Variants in GRAP2 observed in about 807,000 individuals in gnomAD.
GRAP2 encodes the protein GRB2-related adapter protein 2.
GRAP2 carries 31 observed loss-of-function variants against 43.5 expected under a neutral mutation model. The observed-to-expected ratio is 0.71, with a 90% confidence interval of 0.54 to 0.96. The LOEUF is 0.96. Among genes scored for constraint, GRAP2 ranks in the 40% least tolerant of loss-of-function variants. The pLI, the probability that GRAP2 is intolerant of heterozygous loss-of-function variation, is 0.00. For missense variants in GRAP2, 371 were observed against 424.4 expected, an observed-to-expected ratio of 0.87 and a Z score of 1.11; for synonymous variants, 156 against 164.8, an observed-to-expected ratio of 0.95 and a Z score of 0.41.
intron 2 of GRAP2, among the ~76,000 whole-genome samples, chr22:39,952,515 C>A (rs530503926): frequency 2.6e-5 from 4 of 152,216 alleles, no homozygotes; most frequent in African/African-American, 9.6e-5. Context: ...GGCTACGAGG[C>A]GCTGCTGCTG....
chr22:39,964,073 T>C (rs1408270139), intron 4 of GRAP2: 1 of 301,784 alleles, frequency 3.3e-6, no homozygotes, highest in African/African-American at 2.2e-5. Context: ...CCCTTTAAAA[T>C]TCTTGACCTT....
At chr22:39,950,060 C>A (rs995721341) in intron 2 of GRAP2, among the ~76,000 whole-genome samples, 20 of 152,150 alleles carry the variant, frequency 1.3e-4, no homozygotes, top group Non-Finnish European at 1.5e-5. Flanking sequence ...CACACCCACA[C>A]AGAGACATCT....
chr22:39,969,418 G>A lies in GRAP2; in HGVS notation c.698G>A (p.Arg233Gln), dbSNP rs777370081. ...LQHHHFHQER[R>Q]GGSLDINDGH... ...TCTGTTGTATGTTTCTAGGAACGCCGAGGAGGCAGCCTTGACATAAATGAT... is the reference window on the plus strand; with the variant it reads ...TCTGTTGTATGTTTCTAGGAACGCCAAGGAGGCAGCCTTGACATAAATGAT... Residue 233 changes from arginine to glutamine, a missense_variant, in exon 7 of 8, where the codon CGA (arginine) becomes CAA (glutamine). By Grantham distance (43) the Arg-to-Gln change is conservative. Coordinates refer to ENST00000344138, the MANE Select transcript of GRAP2 (RefSeq NM_004810.4). 4 of 1,613,898 alleles carry A rather than the reference G, an allele frequency of 2.5e-6. No homozygotes were observed. Among genetic ancestry groups the A allele is most frequent in the Non-Finnish European group, 2.5e-6 (3 of 1,179,858 alleles).
chr22:39,929,617 A>G (rs1277243131), intron 1 of GRAP2, among the ~76,000 whole-genome samples: 1 of 152,148 alleles, frequency 6.6e-6, no homozygotes, highest in Non-Finnish European at 1.5e-5. Flanking sequence ...ACTCCTCCGC[A>G]TGACCAAGGT....
chr22:39,917,653 G>T (rs1341343507), intron 1 of GRAP2, among the ~76,000 whole-genome samples: 2 of 152,076 alleles, frequency 1.3e-5, no homozygotes, highest in Non-Finnish European at 2.9e-5. Flanking sequence ...TGCCCTAACT[G>T]TTCTAAAATG....
At chr22:39,930,310 T>A (rs1468906293) in intron 1 of GRAP2, among the ~76,000 whole-genome samples, 2 of 152,214 alleles carry the variant, frequency 1.3e-5, no homozygotes, top group Non-Finnish European at 2.9e-5. Flanking sequence ...GGGAGAATAC[T>A]GTTTAAGTGC....
Position 39,960,089 on chromosome 22 carries a change from G to C in GRAP2, c.205G>C (p.Glu69Gln). The part of the protein sequence containing the change: ...FHEGLSRHQA[E>Q]NLLMGKEVGF... ...CGAAGGCCTCTCTCGACACCAGGCA[G>C]AGAACTTACTCATGGGCAAGGAGGT... is the stretch of plus-strand genomic sequence containing the variant. Residue 69 changes from glutamate (E) to glutamine (Q), a missense_variant, in exon 4 of 8, where the codon GAG (glutamate) becomes CAG (glutamine). Glu to Gln is a conservative substitution (Grantham distance 29, BLOSUM62 2). Coordinates refer to ENST00000344138, the MANE Select transcript of GRAP2 (RefSeq NM_004810.4). The C allele has an allele frequency of 6.2e-7, 1 of 1,613,252 alleles. No homozygotes were observed. The highest frequency in any genetic ancestry group is 8.5e-7 in the Non-Finnish European group (1 of 1,179,186).
At chr22:39,933,976 A>G (rs1442385523) in intron 1 of GRAP2, among the ~76,000 whole-genome samples, 1 of 152,204 alleles carries the variant, frequency 6.6e-6, no homozygotes, top group Non-Finnish European at 1.5e-5. Context: ...CTGCCTCACA[A>G]AAGGAAAGTC....
At chr22:39,967,398 T>C (rs957939682) in intron 5 of GRAP2, among the ~76,000 whole-genome samples, 2 of 152,184 alleles carry the variant, frequency 1.3e-5, no homozygotes, top group Non-Finnish European at 2.9e-5. Flanking sequence ...AATGAGTTGA[T>C]ATTTGTAAAG....
intron 1 of GRAP2, among the ~76,000 whole-genome samples, chr22:39,915,220 GAAAT>G (rs2066594885): frequency 6.7e-6 from 1 of 148,244 alleles, no homozygotes; most frequent in East Asian, 2.0e-4. Context: ...AGAAAAAAAA[GAAAT>G]AAATAAATAA....
chr22:39,909,076 C>T lies in GRAP2; in HGVS notation c.-15+7746C>T, dbSNP rs532722900. On this transcript the variant is annotated intron_variant, in intron 1 of 7. Transcript: ENST00000344138. Reference sequence around the variant, plus strand: ...AAGATTCATGTGTGGCTACCCCCAACAATATCTCATTTGTACAATGCAGAA... The same window carrying T: ...AAGATTCATGTGTGGCTACCCCCAATAATATCTCATTTGTACAATGCAGAA... Among the ~76,000 whole-genome samples, 6 of 152,308 alleles carry T rather than the reference C, an allele frequency of 3.9e-5. No individual in the cohort carries two copies. In the East Asian group the frequency reaches 5.8e-4, roughly 15 times the overall value.
At chr22:39,969,624 A>G (rs2067217414) in intron 7 of GRAP2, 91 bp downstream of exon 7, 1 of 1,416,540 alleles carries the variant, frequency 7.1e-7, no homozygotes, top group Non-Finnish European at 9.8e-7. Context: ...CTCAAACCAC[A>G]CAGATCTGGC....
chr22:39,927,847 A>T (rs1396082497), intron 1 of GRAP2, among the ~76,000 whole-genome samples: 1 of 152,166 alleles, frequency 6.6e-6, no homozygotes, highest in African/African-American at 2.4e-5. Flanking sequence ...TTCATCCTAT[A>T]GTTTGTCTTC....
chr22:39,937,076 C>G (rs1310315341), intron 1 of GRAP2, among the ~76,000 whole-genome samples: 1 of 152,196 alleles, frequency 6.6e-6, no homozygotes, highest in Non-Finnish European at 1.5e-5. Context: ...CAGACATGTA[C>G]TGAAATCTCT....
chr22:39,932,237 A>G (rs1039311968), intron 1 of GRAP2, among the ~76,000 whole-genome samples: 1 of 152,186 alleles, frequency 6.6e-6, no homozygotes, highest in African/African-American at 2.4e-5. Context: ...GAAAGTAAAG[A>G]TTTGGGATAT....
chr22:39,942,566 C>T (rs2145628023), intron 1 of GRAP2, among the ~76,000 whole-genome samples: 2 of 151,764 alleles, frequency 1.3e-5, no homozygotes, highest in East Asian at 1.9e-4. Flanking sequence ...AGGTGGATCA[C>T]TTGAGCCCAG....
intron 1 of GRAP2, among the ~76,000 whole-genome samples, chr22:39,902,978 G>T (rs1039148865): frequency 5.3e-5 from 8 of 152,126 alleles, no homozygotes; most frequent in African/African-American, 1.9e-4. Flanking sequence ...TAGAACTATT[G>T]CTTCCTAGAA....
At chr22:39,911,671 G>C (rs1373971943) in intron 1 of GRAP2, among the ~76,000 whole-genome samples, 1 of 151,892 alleles carries the variant, frequency 6.6e-6, no homozygotes. Context: ...AATTTTTCTA[G>C]TCTGCCATTC....
chr22:39,911,816 A>G (rs538209543), intron 1 of GRAP2, among the ~76,000 whole-genome samples: 1 of 152,170 alleles, frequency 6.6e-6, no homozygotes, highest in Non-Finnish European at 1.5e-5. Flanking sequence ...ACCAGCAGCA[A>G]CGGCACCGCC....
Sources: allele counts gnomAD v4.1 joint callset (sites outside exome capture counted in the v4.1 genomes callset), GRCh38; gene constraint gnomAD v4.1.1; transcripts MANE v1.5; gene names NCBI Gene and HGNC (gene_info 2026-07-23, HGNC 2026-07-21).